Variants in FRMPD4 observed in about 807,000 individuals in gnomAD.
FRMPD4 encodes the protein FERM and PDZ domain-containing protein 4.
FRMPD4 carries 22 observed loss-of-function variants against 94.1 expected under a neutral mutation model. The observed-to-expected ratio is 0.23, with a 90% CI of 0.17 to 0.33. The LOEUF (loss-of-function observed/expected upper bound fraction) is 0.33. Among genes scored for constraint, FRMPD4 ranks in the 10% least tolerant of loss-of-function variants. FRMPD4 has a pLI of 1.00. For synonymous variants in FRMPD4, 631 were observed against 548.6 expected, an observed-to-expected ratio of 1.15 and a Z score of -2.10; for missense variants, 1,111 against 1,339.9, an observed-to-expected ratio of 0.83 and a Z score of 2.67.
intron 1 of FRMPD4, among the ~76,000 whole-genome samples, chrX:11,854,133 G>A (rs898359241): frequency 5.4e-5 from 6 of 111,615 alleles, no homozygotes; most frequent in Non-Finnish European, 5.7e-5. Context: ...GAGAATGAGT[G>A]CCTAGTGAAG....
intron 4 of FRMPD4, among the ~76,000 whole-genome samples, chrX:12,616,134 A>G (rs2059234310): frequency 9.0e-6 from 1 of 111,526 alleles, no homozygotes; most frequent in Admixed American, 9.5e-5. Flanking sequence ...CAAAATTGTT[A>G]TGTTGGAACC....
chrX:12,016,720 T>A (rs2054606501), intron 3 of FRMPD4, among the ~76,000 whole-genome samples: 1 of 112,193 alleles, frequency 8.9e-6, no homozygotes, highest in African/African-American at 3.2e-5. Flanking sequence ...TTTTGGAAGG[T>A]GAGGTATATA....
intron 1 of FRMPD4, among the ~76,000 whole-genome samples, chrX:12,329,387 C>T (rs149866310): frequency 0.019 from 2,146 of 111,090 alleles, 35 homozygotes; most frequent in African/African-American, 0.06. Context: ...GTTTGTATGG[C>T]ATGCCTTGGG....
chrX:12,016,573 C>G (rs1054177838), intron 3 of FRMPD4, among the ~76,000 whole-genome samples: 2 of 111,448 alleles, frequency 1.8e-5, no homozygotes, highest in African/African-American at 6.5e-5. Flanking sequence ...AGAGTTATAC[C>G]TCTTGTCATT....
chrX:12,332,190 TTA>T (rs1173963808), intron 1 of FRMPD4, among the ~76,000 whole-genome samples: 683 of 63,450 alleles, frequency 0.011, 36 homozygotes, highest in African/African-American at 0.05. Context: ...AATTTATATT[TTA>T]TATATATATA....
chrX:12,060,445 C>T (rs2054879211), intron 3 of FRMPD4, among the ~76,000 whole-genome samples: 1 of 107,829 alleles, frequency 9.3e-6, no homozygotes. Context: ...ATCTTTTGCC[C>T]GTTTTTTAAT....
chrX:12,013,566 T>A (rs1368457288), intron 3 of FRMPD4, among the ~76,000 whole-genome samples: 1 of 113,077 alleles, frequency 8.8e-6, no homozygotes, highest in Non-Finnish European at 1.9e-5. Flanking sequence ...AACTCCTGTA[T>A]CAATGAAGGG....
intron 3 of FRMPD4, among the ~76,000 whole-genome samples, chrX:12,115,519 C>G (rs767196711): frequency 2.0e-4 from 22 of 111,270 alleles, no homozygotes; most frequent in Non-Finnish European, 4.0e-4. Flanking sequence ...TCAGTATTGC[C>G]TGTCTCTCAT....
intron 1 of FRMPD4, among the ~76,000 whole-genome samples, chrX:12,332,086 T>TTATATTTTA (rs1244102750): frequency 1.6e-5 from 1 of 62,254 alleles, no homozygotes; most frequent in African/African-American, 6.3e-5. Flanking sequence ...TATATATAAT[T>TTATATTTTA]TATATTATAT....
At chrX:11,853,509 G>T (rs1315563199) in intron 1 of FRMPD4, among the ~76,000 whole-genome samples, 1 of 108,914 alleles carries the variant, frequency 9.2e-6, no homozygotes, top group Non-Finnish European at 1.9e-5. Flanking sequence ...AAAGAGAGAA[G>T]ATTCAAATAA....
intron 1 of FRMPD4, among the ~76,000 whole-genome samples, chrX:12,346,535 C>G (rs967438978): frequency 9.0e-6 from 1 of 111,371 alleles, no homozygotes; most frequent in Non-Finnish European, 1.9e-5. Flanking sequence ...TCCAGAGAAC[C>G]GCTGCGTAGA....
chrX:12,109,392 C>A (rs989966762), intron 3 of FRMPD4, among the ~76,000 whole-genome samples: 1 of 112,012 alleles, frequency 8.9e-6, no homozygotes, highest in African/African-American at 3.2e-5. Context: ...AAAGGTACAA[C>A]ATACCAGAAT....
chrX:12,557,633 A>G (rs968043691), intron 2 of FRMPD4, among the ~76,000 whole-genome samples: 3 of 112,114 alleles, frequency 2.7e-5, no homozygotes, highest in African/African-American at 6.5e-5. Flanking sequence ...GCACTTAGAA[A>G]ATCTCTCCCA....
intron 1 of FRMPD4, among the ~76,000 whole-genome samples, chrX:12,469,284 C>T (rs1461709397): frequency 4.5e-5 from 5 of 111,264 alleles, no homozygotes; most frequent in Non-Finnish European, 9.4e-5. Flanking sequence ...CAGAGTCTCA[C>T]TGTCACCCAG....
chrX:12,484,762 C>T (rs747788556), intron 1 of FRMPD4, among the ~76,000 whole-genome samples: 11 of 111,828 alleles, frequency 9.8e-5, no homozygotes, highest in Non-Finnish European at 1.9e-4. Context: ...CTCAGAACCT[C>T]GTAAGATAAC....
chrX:12,654,110 A>G (rs1168799700), intron 4 of FRMPD4, among the ~76,000 whole-genome samples: 1 of 111,792 alleles, frequency 8.9e-6, no homozygotes, highest in Non-Finnish European at 1.9e-5. Flanking sequence ...CTTCTTCCAG[A>G]TGAAAAAAAA....
intron 1 of FRMPD4, among the ~76,000 whole-genome samples, chrX:12,234,504 C>T (rs1184941820): frequency 2.7e-5 from 3 of 110,924 alleles, no homozygotes; most frequent in Non-Finnish European, 5.7e-5. Flanking sequence ...GAACATTTGC[C>T]ATGGCTTGAG....
At chrX:12,605,701 G>T (rs1227643595) in intron 2 of FRMPD4, among the ~76,000 whole-genome samples, 1 of 110,759 alleles carries the variant, frequency 9.0e-6, no homozygotes, top group African/African-American at 3.3e-5. Context: ...CGTCAGGCAC[G>T]TTATGCCTCA....
intron 1 of FRMPD4, among the ~76,000 whole-genome samples, chrX:12,207,168 A>C (rs994752393): frequency 1.8e-5 from 2 of 112,065 alleles, no homozygotes; most frequent in Non-Finnish European, 3.8e-5. Context: ...TATACCTTGT[A>C]GGATTGCCAA....
Sources: allele counts gnomAD v4.1 joint callset (sites outside exome capture counted in the v4.1 genomes callset), GRCh38; gene constraint gnomAD v4.1.1; transcripts MANE v1.5; gene names NCBI Gene and HGNC (gene_info 2026-07-23, HGNC 2026-07-21).